Variants in MACROD2 observed in about 807,000 individuals in gnomAD.
MACROD2 encodes the protein mono-ADP ribosylhydrolase 2, also known as ADP-ribose glycohydrolase MACROD2.
Under a neutral mutation model 70.4 loss-of-function variants are expected in MACROD2, and 36 were observed. That is an observed-to-expected ratio of 0.51 (90% CI 0.39 to 0.68). The LOEUF (loss-of-function observed/expected upper bound fraction) is 0.68, where lower values mean the gene tolerates loss of function less well. Among genes scored for constraint, MACROD2 ranks in the 30% least tolerant of loss-of-function variants. MACROD2 has a pLI of 0.00. For missense variants in MACROD2, 496 were observed against 538.4 expected, an observed-to-expected ratio of 0.92 and a Z score of 0.78; for synonymous variants, 172 against 178.8, an observed-to-expected ratio of 0.96 and a Z score of 0.30.
intron 4 of MACROD2, among the ~76,000 whole-genome samples, chr20:14,629,106 A>G (rs1984358519): frequency 6.6e-6 from 1 of 152,114 alleles, no homozygotes; most frequent in Non-Finnish European, 1.5e-5. Context: ...TCCCTAAAAC[A>G]GGTGCTCCCA....
At chr20:15,439,935 G>GCAGT (rs1260265160) in intron 7 of MACROD2, among the ~76,000 whole-genome samples, 1 of 152,146 alleles carries the variant, frequency 6.6e-6, no homozygotes, top group Non-Finnish European at 1.5e-5. Context: ...GGCCTCTAAA[G>GCAGT]CAGTCTCTAA....
At chr20:15,763,831 G>C (rs1477589370) in intron 8 of MACROD2, among the ~76,000 whole-genome samples, 3 of 152,132 alleles carry the variant, frequency 2.0e-5, no homozygotes, top group Non-Finnish European at 4.4e-5. Flanking sequence ...TTCTGTTTAG[G>C]TAATATTTGC....
intron 3 of MACROD2, 134 bp downstream of exon 3, chr20:14,085,862 A>T (rs1331188828): frequency 2.0e-6 from 1 of 510,522 alleles, no homozygotes; most frequent in Non-Finnish European, 3.4e-6. Context: ...TCTCTTCTTG[A>T]TTAAAAACAT....
intron 7 of MACROD2, among the ~76,000 whole-genome samples, chr20:15,470,623 C>T (rs567191827): frequency 4.5e-4 from 69 of 152,288 alleles, no homozygotes; most frequent in South Asian, 4.1e-3. Context: ...GTCCACAACC[C>T]TCATGGGCTC....
At chr20:15,423,290 GT>G (rs2046254182) in intron 6 of MACROD2, among the ~76,000 whole-genome samples, 1 of 152,142 alleles carries the variant, frequency 6.6e-6, no homozygotes, top group Admixed American at 6.6e-5. Context: ...CATGAGGCGT[GT>G]TCTTATGGTA....
intron 5 of MACROD2, among the ~76,000 whole-genome samples, chr20:14,797,987 G>T (rs2072530940): frequency 6.6e-6 from 1 of 152,042 alleles, no homozygotes; most frequent in Non-Finnish European, 1.5e-5. Context: ...TGTGTTAATA[G>T]AACTTTCTGT....
At chr20:15,514,446 C>T (rs969984499) in intron 8 of MACROD2, among the ~76,000 whole-genome samples, 1 of 152,160 alleles carries the variant, frequency 6.6e-6, no homozygotes, top group Non-Finnish European at 1.5e-5. Flanking sequence ...CATTGTGTTA[C>T]AATTACCTAC....
chr20:15,092,649 T>C (rs1390256158), intron 5 of MACROD2, among the ~76,000 whole-genome samples: 3 of 151,996 alleles, frequency 2.0e-5, no homozygotes, highest in Non-Finnish European at 4.4e-5. Flanking sequence ...AGTTTCTTGA[T>C]ATTTCTTTTA....
intron 5 of MACROD2, among the ~76,000 whole-genome samples, chr20:14,923,001 CAG>C (rs2074181945): frequency 1.3e-5 from 2 of 152,164 alleles, no homozygotes; most frequent in South Asian, 2.1e-4. Context: ...GCTTTTGAGT[CAG>C]AGTTAGGAGC....
At chr20:14,520,357 T>A (rs1468498176) in intron 4 of MACROD2, among the ~76,000 whole-genome samples, 1 of 152,168 alleles carries the variant, frequency 6.6e-6, no homozygotes, top group Non-Finnish European at 1.5e-5. Context: ...ATCAGTTTAT[T>A]TACCATGATT....
rs74179753 is a variant in MACROD2, at chr20:14,968,019, G to A, written c.419-261921G>A. Among the ~76,000 whole-genome samples, 804 of 152,126 alleles carry A rather than the reference G, an allele frequency of 5.3e-3. 3 individuals are homozygous for A. The highest frequency in any genetic ancestry group is 8.9e-3 in the Non-Finnish European group (602 of 67,978). ...AATATTTTTATGCTCAGTGGTTTTCGACAACTCTAAATTTTAAGTTATTAT... is the reference window on the plus strand; with the variant it reads ...AATATTTTTATGCTCAGTGGTTTTCAACAACTCTAAATTTTAAGTTATTAT... On this transcript the variant is annotated intron_variant, in intron 5 of 17. Transcript: ENST00000684519.
chr20:16,018,616 T>C (rs776438048), intron 15 of MACROD2, among the ~76,000 whole-genome samples: 21 of 152,232 alleles, frequency 1.4e-4, no homozygotes, highest in Non-Finnish European at 1.6e-4. Flanking sequence ...TCTTCTGTCT[T>C]GGCATCATAG....
At chr20:14,806,113 C>T (rs1352114937) in intron 5 of MACROD2, among the ~76,000 whole-genome samples, 1 of 152,116 alleles carries the variant, frequency 6.6e-6, no homozygotes, top group African/African-American at 2.4e-5. Flanking sequence ...TTCCTGAGGG[C>T]ATCTGGTACG....
chr20:15,305,309 T>C (rs1185728040), intron 6 of MACROD2, among the ~76,000 whole-genome samples: 1 of 152,190 alleles, frequency 6.6e-6, no homozygotes, highest in Non-Finnish European at 1.5e-5. Flanking sequence ...ATTTACATTG[T>C]TTCACTTACA....
intron 8 of MACROD2, among the ~76,000 whole-genome samples, chr20:15,622,277 C>T (rs1422197242): frequency 3.3e-5 from 5 of 152,208 alleles, no homozygotes; most frequent in Non-Finnish European, 7.3e-5. Flanking sequence ...GAGACATTCT[C>T]CAAGGAAACA....
intron 8 of MACROD2, among the ~76,000 whole-genome samples, chr20:15,786,738 A>C (rs1453978500): frequency 6.6e-6 from 1 of 152,200 alleles, no homozygotes; most frequent in African/African-American, 2.4e-5. Flanking sequence ...TGAAGGGATA[A>C]AGAAGGTAAA....
In MACROD2 at chr20:16,043,927, AC is replaced by A. The variant is rs911981478; in HGVS notation, c.1232-641del. Among the ~76,000 whole-genome samples the A allele has an allele frequency of 5.2e-4, 79 of 152,144 alleles. 1 individual carries two copies. The highest frequency in any genetic ancestry group is 1.8e-3 in the African/African-American group (76 of 41,522). On this transcript the variant is annotated intron_variant, in intron 16 of 17. Transcript: ENST00000684519. ...CATAATATGTACATCCAAACTGTCA[AC>A]CCAAAAATCTGGTCTGAAGTGACGA...
chr20:14,716,645 A>G (rs376568836), intron 5 of MACROD2, among the ~76,000 whole-genome samples: 1 of 152,144 alleles, frequency 6.6e-6, no homozygotes, highest in Non-Finnish European at 1.5e-5. Context: ...GAATCCATCT[A>G]TGCTTGGAAA....
chr20:14,509,809 T>C (rs1702910585), intron 4 of MACROD2, among the ~76,000 whole-genome samples: 1 of 151,982 alleles, frequency 6.6e-6, no homozygotes, highest in South Asian at 2.1e-4. Flanking sequence ...TTCATGTTAA[T>C]ATATTGGTAT....
Sources: allele counts gnomAD v4.1 joint callset (sites outside exome capture counted in the v4.1 genomes callset), GRCh38; gene constraint gnomAD v4.1.1; transcripts MANE v1.5; gene names NCBI Gene and HGNC (gene_info 2026-07-23, HGNC 2026-07-21).